GLMN: variants seen among roughly 807,000 people sequenced by gnomAD.
The protein encoded by GLMN is glomulin, FKBP associated protein.
In GLMN, 75 loss-of-function variants were observed where a neutral mutation model predicts 87.8. The ratio of observed to expected loss-of-function variants is 0.85; its 90% CI spans 0.71 to 1.04. The LOEUF (loss-of-function observed/expected upper bound fraction) is 1.04. Among genes scored for constraint, GLMN ranks in the 50% least tolerant of loss-of-function variants. The pLI is 0.00. For missense variants in GLMN, 588 were observed against 658.8 expected, an observed-to-expected ratio of 0.89 and a Z score of 1.18; for synonymous variants, 206 against 221.6, an observed-to-expected ratio of 0.93 and a Z score of 0.63.
At chr1:92,367,865 G>T in the GLMN span, among the ~76,000 whole-genome samples, 1 of 152,148 alleles carries the variant, frequency 6.6e-6, no homozygotes, top group Non-Finnish European at 1.5e-5. Context: ...GTTTGATTTT[G>T]CAAATTTGGA....
At chr1:92,316,192 G>T in the GLMN span, among the ~76,000 whole-genome samples, 1 of 152,136 alleles carries the variant, frequency 6.6e-6, no homozygotes, top group East Asian at 1.9e-4. Context: ...AGAGCTAAAA[G>T]CGCCATCATC....
At chr1:92,249,870 T>C (rs922014759) in intron 16 of GLMN, among the ~76,000 whole-genome samples, 2 of 152,308 alleles carry the variant, frequency 1.3e-5, no homozygotes, top group Non-Finnish European at 2.9e-5. Context: ...GAATATGTGA[T>C]ACTGTCTTTC....
chr1:92,328,064 C>T, the GLMN span, among the ~76,000 whole-genome samples: 2 of 152,302 alleles, frequency 1.3e-5, no homozygotes, highest in East Asian at 3.9e-4. Context: ...TTATCTGATG[C>T]TTTTGCCTCA....
the GLMN span, chr1:92,307,057 T>A: frequency 1.1e-5 from 7 of 637,496 alleles, no homozygotes; most frequent in Non-Finnish European, 1.3e-5. Context: ...ATCTTATTTC[T>A]TACCTTGGGT....
At chr1:92,348,986 G>A in the GLMN span, among the ~76,000 whole-genome samples, 1 of 152,102 alleles carries the variant, frequency 6.6e-6, no homozygotes, top group Non-Finnish European at 1.5e-5. Context: ...GAGAAAGGAC[G>A]AAACACATGC....
At chr1:92,344,848 C>T in the GLMN span, among the ~76,000 whole-genome samples, 1 of 152,102 alleles carries the variant, frequency 6.6e-6, no homozygotes, top group Non-Finnish European at 1.5e-5. Flanking sequence ...TCAAATTTCA[C>T]GGTCCATTTC....
At chr1:92,352,548 A>G in the GLMN span, among the ~76,000 whole-genome samples, 1 of 152,214 alleles carries the variant, frequency 6.6e-6, no homozygotes, top group African/African-American at 2.4e-5. Context: ...ATTGGTTACA[A>G]GTATTCCCAA....
At chr1:92,324,341 G>A in the GLMN span, 1 of 1,613,678 alleles carries the variant, frequency 6.2e-7, no homozygotes, top group African/African-American at 1.3e-5. Context: ...TATGTTTTGG[G>A]TGAAGAAACC....
At chr1:92,266,607 TCA>T (rs1655666639) in intron 12 of GLMN, 91 bp downstream of exon 12, 1 of 1,164,912 alleles carries the variant, frequency 8.6e-7, no homozygotes, top group African/African-American at 1.5e-5. Context: ...AATAAAAATT[TCA>T]CAAATTAAAA....
At chr1:92,336,411 C>A in the GLMN span, 2 of 1,602,762 alleles carry the variant, frequency 1.2e-6, no homozygotes, top group Non-Finnish European at 1.7e-6. Flanking sequence ...ACTTAAAAAT[C>A]TTGTTCGAAC....
chr1:92,277,555 A>G (rs567410350), intron 7 of GLMN, among the ~76,000 whole-genome samples: 1 of 152,228 alleles, frequency 6.6e-6, no homozygotes, highest in South Asian at 2.1e-4. Context: ...CCACAGCCCT[A>G]CCCCCATCCC....
At chr1:92,336,412 T>A in the GLMN span, 1 of 1,603,486 alleles carries the variant, frequency 6.2e-7, no homozygotes, top group African/African-American at 1.3e-5. Flanking sequence ...CTTAAAAATC[T>A]TGTTCGAACT....
At chr1:92,292,903 A>G (rs1422049444) in intron 3 of GLMN, among the ~76,000 whole-genome samples, 1 of 151,692 alleles carries the variant, frequency 6.6e-6, no homozygotes, top group Non-Finnish European at 1.5e-5. Flanking sequence ...ACACGCTTGT[A>G]GCCCCAGCTA....
the GLMN span, among the ~76,000 whole-genome samples, chr1:92,326,295 G>C: frequency 6.6e-6 from 1 of 152,144 alleles, no homozygotes; most frequent in Non-Finnish European, 1.5e-5. Context: ...TTGACCACTT[G>C]GATAATCTCT....
intron 16 of GLMN, among the ~76,000 whole-genome samples, chr1:92,259,364 T>C (rs545800663): frequency 1.1e-3 from 163 of 152,244 alleles, no homozygotes; most frequent in African/African-American, 3.7e-3. Flanking sequence ...AGAAAAGTTA[T>C]ATGAAATTCA....
At position 92,271,006 on chromosome 1, in the gene GLMN, T is replaced by TAAAGCAATAA. The variant is rs574043777; in HGVS notation, c.923+449_923+458dup. ...TGCAAAGGCATTAAGACTTTATTCT[T>TAAAGCAATAA]AAAGCAATAAAAAGCCACTGGAGGG... is the stretch of plus-strand genomic sequence containing the variant. On this transcript the variant is annotated intron_variant, in intron 8 of 18. Transcript: ENST00000370360. Among the ~76,000 whole-genome samples, 912 of 152,274 alleles carry TAAAGCAATAA rather than the reference T, an allele frequency of 6.0e-3. 8 individuals are homozygous for TAAAGCAATAA. The highest frequency in any genetic ancestry group is 0.019 in the African/African-American group (804 of 41,556).
Position 92,297,971 on chromosome 1 carries a change from A to G in GLMN, c.29T>C (p.Ile10Thr), listed in dbSNP as rs372884627. Residue 10 changes from isoleucine to threonine, a missense_variant, in exon 2 of 19, where the codon ATA becomes ACA. Ile to Thr is a moderately conservative substitution (Grantham distance 89). Coordinates refer to ENST00000370360, the MANE Select transcript of GLMN (RefSeq NM_053274.3). MAVEELQSI[I>T]KRCQILEEQD... Reference sequence around the variant, plus strand: ...AAAATTAATACTTACACATCTCTTTATTATAGACTGAAGTTCCTCTACAGC... The same window carrying G: ...AAAATTAATACTTACACATCTCTTTGTTATAGACTGAAGTTCCTCTACAGC... 2.1e-5 allele frequency: 31 copies of G among 1,467,236 alleles called. No homozygotes were observed. Among genetic ancestry groups the G allele is most frequent in the South Asian group, 1.7e-4 (15 of 87,830 alleles). The allele number at this position is 1,467,236 out of a possible 1,614,324, so 90.9% of individuals were successfully genotyped here. A position where few individuals can be genotyped will look rare whatever the true frequency, so the allele number is the denominator to read the frequency against.
chr1:92,324,384 T>C, the GLMN span: 1 of 1,587,664 alleles, frequency 6.3e-7, no homozygotes, highest in Non-Finnish European at 8.6e-7. Flanking sequence ...AGGTATGTCT[T>C]ACAGACATTG....
At chr1:92,291,854 TC>T (rs1426120927) in intron 3 of GLMN, among the ~76,000 whole-genome samples, 2 of 152,174 alleles carry the variant, frequency 1.3e-5, no homozygotes, top group African/African-American at 2.4e-5. Context: ...GTACTTAACT[TC>T]CACAGACAAT....
Sources: allele counts gnomAD v4.1 joint callset (sites outside exome capture counted in the v4.1 genomes callset), GRCh38; gene constraint gnomAD v4.1.1; transcripts MANE v1.5; gene names NCBI Gene and HGNC (gene_info 2026-07-23, HGNC 2026-07-21).